The following PDXDC1 variants were observed in gnomAD, a reference collection of about 807,000 sequenced individuals.
The protein encoded by PDXDC1 is pyridoxal-dependent decarboxylase domain-containing protein 1.
A neutral mutation model predicts 100.1 loss-of-function variants in PDXDC1; 42 were observed. The observed-to-expected ratio is 0.42, with a 90% confidence interval of 0.33 to 0.54. The LOEUF (loss-of-function observed/expected upper bound fraction) is 0.54. Among genes scored for constraint, PDXDC1 ranks in the 20% least tolerant of loss-of-function variants. PDXDC1 has a pLI of 0.10. For missense variants in PDXDC1, 636 were observed against 979.2 expected, an observed-to-expected ratio of 0.65 and a Z score of 4.68; for synonymous variants, 260 against 371.7, an observed-to-expected ratio of 0.70 and a Z score of 3.46.
intron 12 of PDXDC1, among the ~76,000 whole-genome samples, chr16:15,019,533 A>G (rs537739319): frequency 6.6e-6 from 1 of 152,424 alleles, no homozygotes; most frequent in Admixed American, 6.5e-5. Flanking sequence ...TTTATAAACA[A>G]CAGACATTTA....
chr16:14,979,729 G>T (rs1208877333), intron 1 of PDXDC1, among the ~76,000 whole-genome samples: 1 of 152,298 alleles, frequency 6.6e-6, no homozygotes, highest in East Asian at 1.9e-4. Context: ...ATTTGGGACT[G>T]ATTTTAGAAA....
At chr16:15,074,921 G>A (rs1597923315) in intron 16 of PDXDC1, 1 of 1,491,358 alleles carries the variant, frequency 6.7e-7, no homozygotes, top group Non-Finnish European at 9.1e-7. Context: ...TGGTTTAGTA[G>A]GAAAACTGTC....
intron 16 of PDXDC1, chr16:15,128,282 G>T: frequency 6.2e-7 from 1 of 1,610,858 alleles, no homozygotes; most frequent in Non-Finnish European, 8.5e-7. Flanking sequence ...GTGGCGATCC[G>T]GAAGATGTCC....
At chr16:15,020,233 A>C (rs1342437710) in intron 12 of PDXDC1, among the ~76,000 whole-genome samples, 1 of 152,294 alleles carries the variant, frequency 6.6e-6, no homozygotes, top group Non-Finnish European at 1.5e-5. Context: ...TGTGAAATAT[A>C]AATTATATGA....
Position 15,034,559 on chromosome 16 carries a change from A to G in PDXDC1, c.2002+6A>G, listed in dbSNP as rs35811052. 0.25 allele frequency: 398,397 copies of G among 1,604,782 alleles called. 51,225 individuals are homozygous for G. Among genetic ancestry groups the G allele is most frequent in the Admixed American group, 0.35 (20,828 of 60,000 alleles). On this transcript the variant is annotated splice_donor_region_variant and intron_variant, in intron 21 of 22. Coordinates refer to ENST00000396410, the MANE Select transcript of PDXDC1 (RefSeq NM_015027.4). ...AACTTTTAACTTGACAGCAGGTAGG[A>G]CGGCATAGCCTCTTCCCAGGTCTTG...
intron 17 of PDXDC1, chr16:15,032,225 CAGTA>C: frequency 3.1e-6 from 1 of 321,064 alleles, no homozygotes; most frequent in South Asian, 8.5e-5. Context: ...AATTGCAAAT[CAGTA>C]AGAAAAAGAA....
chr16:14,993,058 C>G (rs1362649317), intron 1 of PDXDC1, among the ~76,000 whole-genome samples: 1 of 152,248 alleles, frequency 6.6e-6, no homozygotes, highest in African/African-American at 2.4e-5. Flanking sequence ...TCTGAAACTC[C>G]TGGCCTCAAG....
chr16:15,083,099 A>T (rs1318116205), intron 16 of PDXDC1, among the ~76,000 whole-genome samples: 1 of 152,188 alleles, frequency 6.6e-6, no homozygotes, highest in African/African-American at 2.4e-5. Context: ...AGACAAAGTA[A>T]CCTTTAAGAA....
At chr16:15,076,040 C>T (rs1188400070) in intron 16 of PDXDC1, among the ~76,000 whole-genome samples, 1 of 152,104 alleles carries the variant, frequency 6.6e-6, no homozygotes, top group Non-Finnish European at 1.5e-5. Flanking sequence ...ATCCATGCCC[C>T]AGAATGCCTG....
intron 1 of PDXDC1, among the ~76,000 whole-genome samples, chr16:14,990,527 C>T (rs1246073185): frequency 6.6e-6 from 1 of 152,276 alleles, no homozygotes; most frequent in African/African-American, 2.4e-5. Flanking sequence ...TACAACTTTT[C>T]ATAGAGCATT....
downstream of PDXDC1, chr16:15,039,822 G>T: frequency 1.7e-6 from 1 of 602,158 alleles, no homozygotes; most frequent in South Asian, 2.2e-5. Flanking sequence ...AGTGTGGGGA[G>T]GGGTATATGT....
intron 1 of PDXDC1, among the ~76,000 whole-genome samples, chr16:14,983,816 T>C (rs1968585366): frequency 6.6e-6 from 1 of 152,274 alleles, no homozygotes; most frequent in Non-Finnish European, 1.5e-5. Flanking sequence ...TTTAATTATA[T>C]AGTTTGTGTT....
At chr16:15,074,230 C>T (rs1437387018) in intron 16 of PDXDC1, among the ~76,000 whole-genome samples, 1 of 152,206 alleles carries the variant, frequency 6.6e-6, no homozygotes, top group Admixed American at 6.5e-5. Flanking sequence ...TATTCTGACT[C>T]ACTGAGCTCA....
intron 16 of PDXDC1, among the ~76,000 whole-genome samples, chr16:15,114,898 C>T (rs1230127240): frequency 4.0e-5 from 5 of 125,734 alleles, no homozygotes; most frequent in African/African-American, 1.2e-4. Context: ...CTAACACTAA[C>T]AATAGCTGAT....
intron 16 of PDXDC1, chr16:15,047,469 G>A: frequency 1.9e-6 from 3 of 1,612,830 alleles, no homozygotes; most frequent in Non-Finnish European, 1.7e-6. Context: ...GTCAGAAAAG[G>A]ATTTTATGGA....
At chr16:15,101,702 C>T (rs1425202240) in intron 16 of PDXDC1, among the ~76,000 whole-genome samples, 5 of 146,990 alleles carry the variant, frequency 3.4e-5, no homozygotes, top group South Asian at 2.2e-4. Flanking sequence ...AGCCTGGGGT[C>T]TCGCTTTTGC....
At chr16:15,140,690 T>C (rs2048458747), downstream of PDXDC1, among the ~76,000 whole-genome samples, 1 of 152,072 alleles carries the variant, frequency 6.6e-6, no homozygotes, top group African/African-American at 2.4e-5. Context: ...GAGCTGGTGA[T>C]GTGGAGGTGA....
chr16:15,027,745 T>C (rs1047792837), intron 14 of PDXDC1, among the ~76,000 whole-genome samples: 2 of 152,292 alleles, frequency 1.3e-5, no homozygotes, highest in African/African-American at 4.8e-5. Flanking sequence ...GCCGCTTGTG[T>C]CTTTTTCCAC....
At chr16:15,038,347 G>T, downstream of PDXDC1, 1 of 631,968 alleles carries the variant, frequency 1.6e-6, no homozygotes, top group Non-Finnish European at 2.6e-6. Context: ...GCCTGAATTA[G>T]TAAGAAAAAA....
Sources: allele counts gnomAD v4.1 joint callset (sites outside exome capture counted in the v4.1 genomes callset), GRCh38; gene constraint gnomAD v4.1.1; transcripts MANE v1.5; gene names NCBI Gene and HGNC (gene_info 2026-07-23, HGNC 2026-07-21).